The following GALNT13 variants were observed in gnomAD, a reference collection of about 807,000 sequenced individuals.
GALNT13 encodes UDP-GalNAc:polypeptide N-acetylgalactosaminyltransferase 13.
In GALNT13, 28 loss-of-function variants were observed where a neutral mutation model predicts 64.2. The observed-to-expected ratio is 0.44, with a 90% confidence interval of 0.32 to 0.60. GALNT13 has a LOEUF of 0.60. Ranked by LOEUF, GALNT13 falls within the 20% of genes least tolerant of loss-of-function variation. The probability of loss-of-function intolerance (pLI) is 0.05; values close to 1 mark genes in which losing one functional copy is unlikely to be tolerated. For synonymous variants in GALNT13, 214 were observed against 224.6 expected (o/e 0.95, Z 0.42); for missense variants, 577 against 669.8 (o/e 0.86, Z 1.53).
the GALNT13 span, among the ~76,000 whole-genome samples, chr2:153,168,170 T>C: frequency 6.6e-6 from 1 of 152,176 alleles, no homozygotes; most frequent in Non-Finnish European, 1.5e-5. Context: ...AATGCTACCT[T>C]AATTGATCAT....
intron 3 of GALNT13, among the ~76,000 whole-genome samples, chr2:154,084,168 A>C (rs1701415137): frequency 6.6e-6 from 1 of 151,942 alleles, no homozygotes; most frequent in African/African-American, 2.4e-5. Flanking sequence ...TTTCAACTAT[A>C]AATTTCACTT....
At chr2:153,415,107 A>G in the GALNT13 span, among the ~76,000 whole-genome samples, 103 of 152,182 alleles carry the variant, frequency 6.8e-4, 1 homozygote, top group East Asian at 0.019. Flanking sequence ...GAGTAGCTAC[A>G]TGTTAAAAAA....
chr2:154,336,985 A>G (rs1695478095), intron 9 of GALNT13, among the ~76,000 whole-genome samples: 1 of 152,030 alleles, frequency 6.6e-6, no homozygotes, highest in South Asian at 2.1e-4. Flanking sequence ...CTTTTCAAAT[A>G]TACCATCTCC....
chr2:153,111,884 T>G, the GALNT13 span, among the ~76,000 whole-genome samples: 2 of 152,168 alleles, frequency 1.3e-5, no homozygotes, highest in African/African-American at 2.4e-5. Flanking sequence ...TTTCTGAAAG[T>G]TGACTATTGC....
chr2:153,634,923 C>T, the GALNT13 span, among the ~76,000 whole-genome samples: 1 of 151,882 alleles, frequency 6.6e-6, no homozygotes, highest in East Asian at 1.9e-4. Flanking sequence ...CTTTCTCTTC[C>T]TGTGGTTCTC....
chr2:153,421,528 G>T, the GALNT13 span: 1 of 229,588 alleles, frequency 4.4e-6, no homozygotes. Flanking sequence ...ACAGAGAAGT[G>T]AACCCAGAAC....
the GALNT13 span, among the ~76,000 whole-genome samples, chr2:153,384,882 A>G: frequency 5.9e-5 from 9 of 152,194 alleles, no homozygotes; most frequent in Admixed American, 5.9e-4. Flanking sequence ...ACACAAAAAA[A>G]TAAATAAGGA....
chr2:153,724,804 C>T, the GALNT13 span, among the ~76,000 whole-genome samples: 290 of 140,518 alleles, frequency 2.1e-3, 1 homozygote, highest in African/African-American at 7.9e-3. Context: ...AGTCAGGAAA[C>T]AACAGGTGCT....
chr2:153,105,042 C>A, the GALNT13 span, among the ~76,000 whole-genome samples: 4 of 116,822 alleles, frequency 3.4e-5, no homozygotes, highest in Non-Finnish European at 5.1e-5. Context: ...CCCCTCCCCC[C>A]ACCCGACAAC....
the GALNT13 span, among the ~76,000 whole-genome samples, chr2:153,595,645 A>T: frequency 1.3e-5 from 2 of 152,138 alleles, no homozygotes; most frequent in Non-Finnish European, 2.9e-5. Flanking sequence ...TAAAATTATT[A>T]CAAAATGAGC....
chr2:154,054,806 T>C (rs1699816810), intron 3 of GALNT13, among the ~76,000 whole-genome samples: 1 of 151,948 alleles, frequency 6.6e-6, no homozygotes, highest in Non-Finnish European at 1.5e-5. Context: ...TGTTATAAGT[T>C]TCTTCACAGG....
chr2:153,952,731 A>G (rs957098977), intron 3 of GALNT13, among the ~76,000 whole-genome samples: 1 of 151,758 alleles, frequency 6.6e-6, no homozygotes, highest in African/African-American at 2.4e-5. Flanking sequence ...ACAATAGGCT[A>G]TCTGCAAGCT....
intron 11 of GALNT13, among the ~76,000 whole-genome samples, chr2:154,414,276 A>G (rs1014006098): frequency 3.9e-5 from 6 of 152,202 alleles, no homozygotes; most frequent in Non-Finnish European, 8.8e-5. Flanking sequence ...AACATTTAAT[A>G]CAAATTACCC....
At chr2:153,842,321 G>A in the GALNT13 span, among the ~76,000 whole-genome samples, 44,174 of 151,998 alleles carry the variant, frequency 0.29, 6,998 homozygotes, top group Middle Eastern at 0.43. Context: ...AGAGGCACTT[G>A]GTAAGTAAGA....
chr2:154,010,478 A>G (rs541598865), intron 3 of GALNT13, among the ~76,000 whole-genome samples: 2 of 152,128 alleles, frequency 1.3e-5, no homozygotes, highest in East Asian at 1.9e-4. Context: ...ATGTGCTGTT[A>G]TTTGGTTTGC....
At chr2:154,255,939 G>A (rs966137350) in intron 7 of GALNT13, among the ~76,000 whole-genome samples, 4 of 152,012 alleles carry the variant, frequency 2.6e-5, no homozygotes, top group African/African-American at 9.7e-5. Flanking sequence ...CGTAGTCCCA[G>A]CTATTCTGGA....
At chr2:153,596,859 G>A in the GALNT13 span, among the ~76,000 whole-genome samples, 1 of 151,936 alleles carries the variant, frequency 6.6e-6, no homozygotes, top group African/African-American at 2.4e-5. Flanking sequence ...AGGATATATT[G>A]AAATCTAATT....
the GALNT13 span, among the ~76,000 whole-genome samples, chr2:153,842,216 C>T: frequency 6.6e-6 from 1 of 152,076 alleles, no homozygotes; most frequent in Non-Finnish European, 1.5e-5. Context: ...AGGAAGTAAA[C>T]TGAAATGAGC....
chr2:153,468,144 G>A, the GALNT13 span, among the ~76,000 whole-genome samples: 56 of 151,850 alleles, frequency 3.7e-4, no homozygotes, highest in South Asian at 2.7e-3. Flanking sequence ...CTCTTTCAGC[G>A]TCTACGCACT....
Sources: gnomAD v4.1 joint callset for allele counts (sites outside exome capture counted in the v4.1 genomes callset) on GRCh38, gnomAD v4.1.1 for gene constraint, MANE v1.5 for transcripts, NCBI Gene and HGNC (gene_info 2026-07-23, HGNC 2026-07-21) for gene names.